Variants in CELSR2 observed in about 807,000 individuals in gnomAD.
CELSR2 encodes cadherin EGF LAG seven-pass G-type receptor 2.
Under a neutral mutation model 251.6 loss-of-function variants are expected in CELSR2, and 81 were observed. That is an observed-to-expected ratio of 0.32 (90% CI 0.27 to 0.39). CELSR2 has a LOEUF of 0.39. Ranked by LOEUF, CELSR2 falls within the 10% of genes least tolerant of loss-of-function variation. The probability of loss-of-function intolerance (pLI) is 1.00; values close to 1 mark genes in which losing one functional copy is unlikely to be tolerated. For missense variants in CELSR2, 3,365 were observed against 3,947.7 expected, an observed-to-expected ratio of 0.85 and a Z score of 3.96; for synonymous variants, 1,721 against 1,670.5, an observed-to-expected ratio of 1.03 and a Z score of -0.74.
Position 109,271,673 on chromosome 1 carries a change from G to A in CELSR2, c.7877G>A (p.Arg2626His), listed in dbSNP as rs201030395. Reference protein sequence around the residue: ...VRKALKLACSRKPSPDPALTT... With the variant: ...VRKALKLACSHKPSPDPALTT... ...AAAGCACTCAAGCTTGCCTGCAGCC[G>A]CAAGCCCAGCCCTGACCCTGCTCTG... Residue 2626 changes from arginine to histidine, a missense_variant, in exon 28 of 34, where the codon CGC becomes CAC. Physicochemically the swap from Arg to His is conservative, Grantham distance 29 (BLOSUM62 0). Around this residue, in one of 5 missense-constraint regions of CELSR2, gnomAD observed 2,093 missense variants for 2,382.8 expected, o/e 0.88. Transcript: ENST00000271332. The A allele has an allele frequency of 2.8e-5, 45 of 1,613,986 alleles. No individual in the cohort carries two copies. The highest frequency in any genetic ancestry group is 1.6e-4 in the Middle Eastern group (1 of 6,062).
At position 109,274,686 on chromosome 1, in the gene CELSR2, A is replaced by C. The variant is rs1656479370; in HGVS notation, c.*637A>C. On this transcript the variant is annotated 3_prime_UTR_variant, in exon 34 of 34. Coordinates refer to ENST00000271332, the MANE Select transcript of CELSR2 (RefSeq NM_001408.3). ...AAGCCCTGTCCGGTGAGGGGGCAGA[A>C]GGACTCAGCGCCCCTGGACCCCCAA... The C allele has an allele frequency of 6.5e-6, 1 of 153,044 alleles. No individual in the cohort carries two copies. Among genetic ancestry groups the C allele is most frequent in the Non-Finnish European group, 1.5e-5 (1 of 68,410 alleles). The allele number at this position is 153,044 out of a possible 1,614,324, so 9.5% of individuals were successfully genotyped here.
chr1:109,253,060 T>C lies in CELSR2; in HGVS notation c.2981T>C (p.Leu994Pro), dbSNP rs1655744720. The change falls in exon 1 of 34, where the codon CTG (leucine) becomes CCG (proline). Residue 994 changes from leucine to proline, a missense_variant. Coordinates refer to ENST00000271332, the MANE Select transcript of CELSR2 (RefSeq NM_001408.3). ...TACGAGGACCGGCCTGAGTACGTCC[T>C]GGTCATCCAGGCCACGTCAGCTCCT... is the stretch of plus-strand genomic sequence containing the variant. ...LDYEDRPEYV[L>P]VIQATSAPLV... 1 of 1,613,590 alleles carries C rather than the reference T, an allele frequency of 6.2e-7. No individual in the cohort carries two copies.
At chr1:109,256,388 G>A (rs1198919905) in intron 1 of CELSR2, among the ~76,000 whole-genome samples, 3 of 152,210 alleles carry the variant, frequency 2.0e-5, no homozygotes, top group Admixed American at 2.0e-4. Context: ...GAATAAGCAA[G>A]TGATGAGGCT....
Position 109,269,380 on chromosome 1 carries a change from A to G in CELSR2, c.6813-44A>G, listed in dbSNP as rs1404735149. On this transcript the variant is annotated intron_variant, in intron 20 of 33. Coordinates refer to ENST00000271332, the MANE Select transcript of CELSR2 (RefSeq NM_001408.3). This position sits in a 1 kb window ranked among gnomAD's most constrained non-coding sequence, Gnocchi z 6.4. The stretch of plus-strand genomic sequence containing the variant: ...GGGGGTCGGGGGCGTCTCCCCAGTC[A>G]TGTGACTGCCGTGGTGACTGTGCAC... 4 of 1,610,526 alleles carry G rather than the reference A, an allele frequency of 2.5e-6. No homozygotes were observed. The East Asian group carries it at 6.7e-5, about 27-fold the overall frequency.
At position 109,261,446 on chromosome 1, in the gene CELSR2, G is replaced by A. The variant is rs532225212; in HGVS notation, c.4182-67G>A. On this transcript the variant is annotated intron_variant, in intron 3 of 33. Coordinates refer to ENST00000271332, the MANE Select transcript of CELSR2 (RefSeq NM_001408.3). The surrounding 1 kb of genome is among the most constrained non-coding windows in gnomAD (Gnocchi z 4.8). ...AGATCTCCCTCCCCTGCGCTGGTTAGGTGGCGGGGGTGCTGGCATCCAGGT... is the reference window on the plus strand; with the variant it reads ...AGATCTCCCTCCCCTGCGCTGGTTAAGTGGCGGGGGTGCTGGCATCCAGGT... 1.6e-5 allele frequency: 23 copies of A among 1,479,990 alleles called. No individual in the cohort carries two copies. The Admixed American group carries it at 3.8e-4, about 25-fold the overall frequency. The allele number at this position is 1,479,990 out of a possible 1,614,324, so 91.7% of individuals were successfully genotyped here. A position where few individuals can be genotyped will look rare whatever the true frequency, so the allele number is the denominator to read the frequency against.
intron 12 of CELSR2, 42 bp from the exon 13 acceptor site, chr1:109,265,149 G>T: frequency 6.3e-7 from 1 of 1,575,304 alleles, no homozygotes; most frequent in Middle Eastern, 1.7e-4. Context: ...TTAGGTGGGA[G>T]TGGCAGGGGG....
At position 109,269,661 on chromosome 1, in the gene CELSR2, C is replaced by T. The variant is rs764268488; in HGVS notation, c.6981-33C>T. 5.6e-6 allele frequency: 9 copies of T among 1,613,906 alleles called. No individual in the cohort carries two copies. The African/African-American group carries it at 9.3e-5, about 17-fold the overall frequency. On this transcript the variant is annotated intron_variant, in intron 21 of 33. Coordinates refer to ENST00000271332, the MANE Select transcript of CELSR2 (RefSeq NM_001408.3). The surrounding 1 kb of genome is among the most constrained non-coding windows in gnomAD (Gnocchi z 6.4). Reference sequence around the variant, plus strand: ...TCCAGGCCCCTGCATGCCTCACCCTCCTTGTCTCCCTGACCCTGCCTTCCT... The same window carrying T: ...TCCAGGCCCCTGCATGCCTCACCCTTCTTGTCTCCCTGACCCTGCCTTCCT...
At position 109,259,027 on chromosome 1, in the gene CELSR2, C is replaced by T. The variant is rs774840946; in HGVS notation, c.3906C>T (p.Arg1302=). 1.3e-6 allele frequency: 2 copies of T among 1,598,972 alleles called. No individual in the cohort carries two copies. The highest frequency in any genetic ancestry group is 1.7e-6 in the Non-Finnish European group (2 of 1,176,996). ...CYSRPCGPHG[R]CRSREGGYTC... ...CGCGGCCCTGTGGCCCCCACGGGCG[C>T]TGCCGCAGCCGCGAGGGCGGCTACA... Residue 1302 remains arginine, a synonymous_variant, in exon 2 of 34, where the codon CGC becomes CGT. Transcript: ENST00000271332.
chr1:109,273,210 G>C lies in CELSR2; in HGVS notation c.8383G>C (p.Gly2795Arg), dbSNP rs931835819. ...PGKAPWPGDF[G>R]TTAKESSGNG... The stretch of plus-strand genomic sequence containing the variant: ...CAAGGCCCCCTGGCCAGGAGACTTT[G>C]GGACCACAGCAAAAGAGAGTAGTGG... The change falls in exon 32 of 34, where the codon GGG becomes CGG. Residue 2795 changes from glycine to arginine, a missense_variant. By Grantham distance (125) the Gly-to-Arg change is moderately radical. Transcript: ENST00000271332. 7 of 1,613,628 alleles carry C rather than the reference G, an allele frequency of 4.3e-6. No individual in the cohort carries two copies. The Admixed American group carries it at 1.2e-4, about 27-fold the overall frequency.
At position 109,252,794 on chromosome 1, in the gene CELSR2, G is replaced by A. The variant is rs1162077709; in HGVS notation, c.2715G>A (p.Met905Ile). 2.5e-6 allele frequency: 4 copies of A among 1,613,890 alleles called. No homozygotes were observed. Among genetic ancestry groups the A allele is most frequent in the African/African-American group, 1.3e-5 (1 of 74,928 alleles). ...GGATGCCCCCAGCCCGCACACCTATGGAAGTGACAGTCACTGTGTTGGATG... is the reference window on the plus strand; with the variant it reads ...GGATGCCCCCAGCCCGCACACCTATAGAAGTGACAGTCACTGTGTTGGATG... ...DKGMPPARTPMEVTVTVLDVN... is the reference protein window; with the variant it reads ...DKGMPPARTPIEVTVTVLDVN... Residue 905 changes from methionine (M) to isoleucine (I), a missense_variant, in exon 1 of 34, where the codon ATG becomes ATA. This residue lies in a region of CELSR2 where 505 missense variants were observed against 660.0 expected (regional missense o/e 0.77). Transcript: ENST00000271332. This position sits in a 1 kb window ranked among gnomAD's most constrained non-coding sequence, Gnocchi z 4.8.
rs1004317958 is a variant in CELSR2, at chr1:109,261,983, G to T, written c.4386+87G>T. 1.1e-5 allele frequency: 16 copies of T among 1,398,306 alleles called. No homozygotes were observed. The African/African-American group carries it at 1.6e-4, about 14-fold the overall frequency. 86.6% of individuals were successfully genotyped at this position (1,398,306 alleles called of 1,614,324 possible). A position where few individuals can be genotyped will look rare whatever the true frequency, so the allele number is the denominator to read the frequency against. On this transcript the variant is annotated intron_variant, in intron 5 of 33. Transcript: ENST00000271332. This position sits in a 1 kb window ranked among gnomAD's most constrained non-coding sequence, Gnocchi z 4.8. ...CTGAGTGGCATTGCCTCCAGGCTTG[G>T]GTGGGCTGGTCAGGGCATTTCTGGC...
chr1:109,272,174 T>C, intron 28 of CELSR2, 104 bp from the exon 29 acceptor site: 2 of 1,400,178 alleles, frequency 1.4e-6, no homozygotes, highest in Non-Finnish European at 1.9e-6. Flanking sequence ...GACCTGAGCA[T>C]GTGGAAGGTG....
In CELSR2 at chr1:109,265,196, A is replaced by G; in HGVS notation, c.5612A>G (p.Asp1871Gly). The change falls in exon 13 of 34, where the codon GAC becomes GGC. Residue 1871 changes from aspartate (D) to glycine (G), a missense_variant. This residue lies in a region of CELSR2 where 2,093 missense variants were observed against 2,382.8 expected (regional missense o/e 0.88). Transcript: ENST00000271332. The stretch of plus-strand genomic sequence containing the variant: ...ACCTGGGTCCCTCTCTGCAGGATTG[A>G]CCAGCCTTGTCCCCGTGGCTGGTGG... ...YLGPYCETRI[D>G]QPCPRGWWGH... 6.2e-7 allele frequency: 1 copy of G among 1,600,776 alleles called. No individual in the cohort carries two copies. Among genetic ancestry groups the G allele is most frequent in the South Asian group, 1.1e-5 (1 of 88,608 alleles).
At chr1:109,270,205 C>T (rs566703483) in intron 23 of CELSR2, 72 bp downstream of exon 23, 1 of 1,498,000 alleles carries the variant, frequency 6.7e-7, no homozygotes, top group East Asian at 2.3e-5. Context: ...ACTGGCAACC[C>T]CTGCTCCTGC....
Position 109,255,737 on chromosome 1 carries a change from C to T in CELSR2, c.3310+2348C>T, listed in dbSNP as rs76978426. ...GAAGACAGCTCAGGCAACGTACTCC[C>T]CACCCCTGTTCCCATCCTGCCTTTG... On this transcript the variant is annotated intron_variant, in intron 1 of 33. Transcript: ENST00000271332. Among the ~76,000 whole-genome samples, 685 of 152,342 alleles carry T rather than the reference C, an allele frequency of 4.5e-3. 3 individuals are homozygous for T. Among genetic ancestry groups the T allele is most frequent in the Non-Finnish European group, 7.5e-3 (509 of 68,030 alleles).
Position 109,266,215 on chromosome 1 carries a change from T to A in CELSR2, c.6013+9T>A. 6.2e-7 allele frequency: 1 copy of A among 1,613,896 alleles called. No homozygotes were observed. The highest frequency in any genetic ancestry group is 1.3e-5 in the African/African-American group (1 of 75,058). The stretch of plus-strand genomic sequence containing the variant: ...TCCCAAAGGCTCCTTTGGTAGGTGT[T>A]GGAGGCCCCGATGTGATGTCGAGGA... On this transcript the variant is annotated intron_variant, in intron 15 of 33. Coordinates refer to ENST00000271332, the MANE Select transcript of CELSR2 (RefSeq NM_001408.3).
Position 109,261,363 on chromosome 1 carries a change from G to A in CELSR2, c.4181+99G>A. 1 of 1,394,274 alleles carries A rather than the reference G, an allele frequency of 7.2e-7. No homozygotes were observed. The highest frequency in any genetic ancestry group is 1.4e-5 in the African/African-American group (1 of 70,588). The allele number at this position is 1,394,274 out of a possible 1,614,324, so 86.4% of individuals were successfully genotyped here. A position where few individuals can be genotyped will look rare whatever the true frequency, so the allele number is the denominator to read the frequency against. ...GTAAGAGGTCAGGCAGTGAAAGCGT[G>A]GAGCAGGCTGCCGGCAGAGCCAGGT... is the stretch of plus-strand genomic sequence containing the variant. On this transcript the variant is annotated intron_variant, in intron 3 of 33. Coordinates refer to ENST00000271332, the MANE Select transcript of CELSR2 (RefSeq NM_001408.3). This position sits in a 1 kb window ranked among gnomAD's most constrained non-coding sequence, Gnocchi z 4.8.
chr1:109,274,365 G>T lies in CELSR2; in HGVS notation c.*316G>T. 1 of 469,840 alleles carries T rather than the reference G, an allele frequency of 2.1e-6. No individual in the cohort carries two copies. Among genetic ancestry groups the T allele is most frequent in the South Asian group, 4.2e-5 (1 of 23,976 alleles). 29.1% of individuals were successfully genotyped at this position (469,840 alleles called of 1,614,324 possible). On this transcript the variant is annotated 3_prime_UTR_variant, in exon 34 of 34. Transcript: ENST00000271332. ...GATCTCCACTCTTCATGACTTCAGG[G>T]ATTCATTTTTTTTATACGCTGGAAA...
Position 109,253,119 on chromosome 1 carries a change from C to T in CELSR2, c.3040C>T (p.Leu1014Phe). 2 of 1,613,864 alleles carry T rather than the reference C, an allele frequency of 1.2e-6. No individual in the cohort carries two copies. Among genetic ancestry groups the T allele is most frequent in the Admixed American group, 3.3e-5 (2 of 60,030 alleles). ...VSRATVHVRL[L>F]DRNDNPPVLG... ...CCGGGCTACAGTCCACGTCCGCCTC[C>T]TTGACCGCAATGACAACCCACCAGT... Residue 1014 changes from leucine (L) to phenylalanine (F), a missense_variant, in exon 1 of 34, where the codon CTT becomes TTT. By Grantham distance (22) the Leu-to-Phe change is conservative. Coordinates refer to ENST00000271332, the MANE Select transcript of CELSR2 (RefSeq NM_001408.3).
Sources: allele counts gnomAD v4.1 joint callset (sites outside exome capture counted in the v4.1 genomes callset), GRCh38; gene constraint gnomAD v4.1.1; regional missense constraint gnomAD v4.1.1; non-coding constraint Gnocchi (gnomAD v3.1); transcripts MANE v1.5; gene names NCBI Gene and HGNC (gene_info 2026-07-23, HGNC 2026-07-21).